The following ADD1 variants were observed in gnomAD, a reference collection of about 807,000 sequenced individuals.
The protein encoded by ADD1 is adducin 1.
A neutral mutation model predicts 80.5 loss-of-function variants in ADD1; 24 were observed. That is an observed-to-expected ratio of 0.30 (90% CI 0.22 to 0.42). The LOEUF (loss-of-function observed/expected upper bound fraction) is 0.42. Among genes scored for constraint, ADD1 ranks in the 10% least tolerant of loss-of-function variants. The pLI is 1.00. For synonymous variants in ADD1, 373 were observed against 393.8 expected, an observed-to-expected ratio of 0.95 and a Z score of 0.63; for missense variants, 948 against 1,019.0, an observed-to-expected ratio of 0.93 and a Z score of 0.95.
chr4:2,914,849 G>A, intron 13 of ADD1, 35 bp from the exon 14 acceptor site: 1 of 1,566,336 alleles, frequency 6.4e-7, no homozygotes. Context: ...CATCGGGCCG[G>A]GCTCCTGCAG....
At chr4:2,896,784 G>A (rs897054146) in intron 6 of ADD1, among the ~76,000 whole-genome samples, 1 of 152,016 alleles carries the variant, frequency 6.6e-6, no homozygotes, top group African/African-American at 2.4e-5. Flanking sequence ...TCTGAGACAG[G>A]ATCTCACCCT....
rs1412467497 is a variant in ADD1, at chr4:2,882,279, T to C, written c.358+219T>C. On this transcript the variant is annotated intron_variant, in intron 3 of 15. Transcript: ENST00000683351. ...CCTCTTTTCTTAGCCAGTGAGACTT[T>C]ATTTCCGAGGCAGATGACTTTTTAT... 2.6e-5 allele frequency among the ~76,000 whole-genome samples: 4 copies of C among 152,238 alleles called. No individual in the cohort carries two copies. In the East Asian group the frequency reaches 7.7e-4, roughly 29 times the overall value.
chr4:2,845,362 C>G (rs998993563), intron 1 of ADD1, among the ~76,000 whole-genome samples: 1 of 152,312 alleles, frequency 6.6e-6, no homozygotes, highest in East Asian at 1.9e-4. Flanking sequence ...TGAGCCACCG[C>G]GCCTGGCCTA....
At chr4:2,916,510 A>G (rs1392544312) in intron 14 of ADD1, among the ~76,000 whole-genome samples, 1 of 152,032 alleles carries the variant, frequency 6.6e-6, no homozygotes, top group African/African-American at 2.4e-5. Flanking sequence ...ATTATTTTTA[A>G]GAGACTTTTG....
At chr4:2,879,388 A>G (rs1442512149) in intron 2 of ADD1, among the ~76,000 whole-genome samples, 1 of 152,122 alleles carries the variant, frequency 6.6e-6, no homozygotes, top group Non-Finnish European at 1.5e-5. Context: ...CAAGGACCAT[A>G]TTATTTATCA....
chr4:2,922,927 G>A (rs994677995), intron 14 of ADD1, among the ~76,000 whole-genome samples: 2 of 152,222 alleles, frequency 1.3e-5, no homozygotes, highest in Non-Finnish European at 2.9e-5. Context: ...TGGCAGCTTT[G>A]TTTACACTGT....
chr4:2,872,829 G>A (rs574065714), intron 1 of ADD1, among the ~76,000 whole-genome samples: 1 of 151,812 alleles, frequency 6.6e-6, no homozygotes, highest in Non-Finnish European at 1.5e-5. Context: ...CAAAGTGCTG[G>A]GATTACAGGC....
In ADD1 at chr4:2,898,135, T is replaced by C. The variant is rs759364800; in HGVS notation, c.742-49T>C. 5 of 1,571,684 alleles carry C rather than the reference T, an allele frequency of 3.2e-6. No individual in the cohort carries two copies. The East Asian group carries it at 9.0e-5, about 28-fold the overall frequency. ...AAAGCATTTACCATATCATCAGTCA[T>C]TGTGTAACCCCAGGTTTTCCTTCTT... On this transcript the variant is annotated intron_variant, in intron 6 of 15. Coordinates refer to ENST00000683351, the MANE Select transcript of ADD1 (RefSeq NM_001354761.2).
intron 14 of ADD1, among the ~76,000 whole-genome samples, chr4:2,918,727 G>T (rs1203326657): frequency 1.3e-5 from 2 of 152,090 alleles, no homozygotes; most frequent in East Asian, 3.8e-4. Flanking sequence ...GCATGAAGGG[G>T]TGTTGAATTT....
chr4:2,871,459 T>A (rs1730443817), intron 1 of ADD1, among the ~76,000 whole-genome samples: 2 of 152,208 alleles, frequency 1.3e-5, no homozygotes, highest in South Asian at 2.1e-4. Context: ...AAAACATAAA[T>A]TTTTTAAAAA....
chr4:2,926,216 G>A lies in ADD1; in HGVS notation c.2047+104G>A. ...CGTGTTAACAGCAACACGGAAGTGT[G>A]TGCTTGCATCAGCGCCAGGACGTGA... On this transcript the variant is annotated intron_variant, in intron 15 of 15. Transcript: ENST00000683351. This position sits in a 1 kb window ranked among gnomAD's most constrained non-coding sequence, Gnocchi z 5.0. 9.8e-7 allele frequency: 1 copy of A among 1,024,868 alleles called. No homozygotes were observed. 63.5% of individuals were successfully genotyped at this position (1,024,868 alleles called of 1,614,324 possible). A position where few individuals can be genotyped will look rare whatever the true frequency, so the allele number is the denominator to read the frequency against.
At chr4:2,847,871 G>A (rs1726490904) in intron 1 of ADD1, among the ~76,000 whole-genome samples, 1 of 152,168 alleles carries the variant, frequency 6.6e-6, no homozygotes, top group Admixed American at 6.6e-5. Context: ...TCCTAAGGAG[G>A]CAACCAGATA....
At chr4:2,856,758 T>G (rs1728142467) in intron 1 of ADD1, among the ~76,000 whole-genome samples, 1 of 150,402 alleles carries the variant, frequency 6.6e-6, no homozygotes, top group African/African-American at 2.5e-5. Flanking sequence ...ATCTGGCTAA[T>G]TTTTGTATTT....
intron 14 of ADD1, among the ~76,000 whole-genome samples, chr4:2,921,160 C>T (rs1425969827): frequency 2.0e-5 from 3 of 152,080 alleles, no homozygotes; most frequent in Admixed American, 1.3e-4. Flanking sequence ...CGGAGTCTTG[C>T]TCTGTCACCC....
chr4:2,927,084 G>A (rs1277259528), intron 15 of ADD1, among the ~76,000 whole-genome samples: 2 of 152,268 alleles, frequency 1.3e-5, no homozygotes, highest in African/African-American at 4.8e-5. Flanking sequence ...CTGGTCCAAA[G>A]GAGGTGGGCA....
chr4:2,846,012 T>G (rs1474112514), intron 1 of ADD1, among the ~76,000 whole-genome samples: 1 of 152,200 alleles, frequency 6.6e-6, no homozygotes, highest in Non-Finnish European at 1.5e-5. Flanking sequence ...GTCCTAGATA[T>G]CCTTTAACCG....
In ADD1 at chr4:2,899,377, C is replaced by A; in HGVS notation, c.1103C>A (p.Pro368His). 1.2e-6 allele frequency: 2 copies of A among 1,614,208 alleles called. No homozygotes were observed. Among genetic ancestry groups the A allele is most frequent in the Non-Finnish European group, 1.7e-6 (2 of 1,180,044 alleles). The stretch of plus-strand genomic sequence containing the variant: ...GTAGGGGAAGGCACTGGATCGCCTC[C>A]CAAGTGGCAGATTGGTGAGCAGGAA... ...SPVGEGTGSPPKWQIGEQEFE... is the reference protein window; with the variant it reads ...SPVGEGTGSPHKWQIGEQEFE... The change falls in exon 9 of 16, where the codon CCC (proline) becomes CAC (histidine). Residue 368 changes from proline to histidine, a missense_variant. By Grantham distance (77) the Pro-to-His change is moderately conservative (BLOSUM62 -2). Coordinates refer to ENST00000683351, the MANE Select transcript of ADD1 (RefSeq NM_001354761.2).
chr4:2,874,835 C>T (rs1163603252), intron 1 of ADD1, among the ~76,000 whole-genome samples: 1 of 152,182 alleles, frequency 6.6e-6, no homozygotes, highest in African/African-American at 2.4e-5. Context: ...ATTGGTATCA[C>T]TTGGGAATTG....
intron 1 of ADD1, among the ~76,000 whole-genome samples, chr4:2,845,754 T>A (rs1415161692): frequency 6.6e-6 from 1 of 152,228 alleles, no homozygotes; most frequent in East Asian, 1.9e-4. Flanking sequence ...TAAAAACTGT[T>A]TATTTACATG....
Sources: allele counts gnomAD v4.1 joint callset (sites outside exome capture counted in the v4.1 genomes callset), GRCh38; gene constraint gnomAD v4.1.1; non-coding constraint Gnocchi (gnomAD v3.1); transcripts MANE v1.5; gene names NCBI Gene and HGNC (gene_info 2026-07-23, HGNC 2026-07-21).